Variants in FMNL1 observed in about 807,000 individuals in gnomAD.
FMNL1 encodes formin like 1.
FMNL1 carries 43 observed loss-of-function variants against 121.3 expected under a neutral mutation model. The observed-to-expected ratio is 0.35, with a 90% CI of 0.28 to 0.46. FMNL1 has a LOEUF of 0.46. Ranked by LOEUF, FMNL1 falls within the 20% of genes least tolerant of loss-of-function variation. The probability of loss-of-function intolerance (pLI) is 1.00; values close to 1 mark genes in which losing one functional copy is unlikely to be tolerated. For synonymous variants in FMNL1, 613 were observed against 613.5 expected, an observed-to-expected ratio of 1.00 and a Z score of 0.01; for missense variants, 1,191 against 1,482.4, an observed-to-expected ratio of 0.80 and a Z score of 3.23.
chr17:45,241,694 GC>G lies in FMNL1; in HGVS notation c.1585+61del, dbSNP rs940366424. Reference sequence around the variant, plus strand: ...GCAGGGTCTGGAGGGGAGCCCAGGGGCATCTGTGGCGGGCAGAGTTGGGCGA... The same window carrying G: ...GCAGGGTCTGGAGGGGAGCCCAGGGGATCTGTGGCGGGCAGAGTTGGGCGA... On this transcript the variant is annotated intron_variant, in intron 14 of 26. Coordinates refer to ENST00000331495, the MANE Select transcript of FMNL1 (RefSeq NM_005892.4). This position sits in a 1 kb window ranked among gnomAD's most constrained non-coding sequence, Gnocchi z 7.0. 4.1e-6 allele frequency: 6 copies of G among 1,449,942 alleles called. No individual in the cohort carries two copies. Among genetic ancestry groups the G allele is most frequent in the Non-Finnish European group, 1.8e-6 (2 of 1,106,230 alleles). The allele number at this position is 1,449,942 out of a possible 1,614,324, so 89.8% of individuals were successfully genotyped here.
chr17:45,233,181 G>A lies in FMNL1; in HGVS notation c.328-43G>A, dbSNP rs543188075. 11 of 1,547,310 alleles carry A rather than the reference G, an allele frequency of 7.1e-6. No homozygotes were observed. Among genetic ancestry groups the A allele is most frequent in the Admixed American group, 3.9e-5 (2 of 50,958 alleles). ...CTCAGGACTTGGTGGGCCTGTGGGA[G>A]GCCGGGCTCCACCCACCAGCCTTCC... On this transcript the variant is annotated intron_variant, in intron 3 of 26. Transcript: ENST00000331495. This position sits in a 1 kb window ranked among gnomAD's most constrained non-coding sequence, Gnocchi z 4.1.
In FMNL1 at chr17:45,234,153, C is replaced by T. The variant is rs756207299; in HGVS notation, c.567C>T (p.Ser189=). 6.2e-7 allele frequency: 1 copy of T among 1,614,152 alleles called. No individual in the cohort carries two copies. Among genetic ancestry groups the T allele is most frequent in the Non-Finnish European group, 8.5e-7 (1 of 1,180,032 alleles). ...TGGAGCAGTCTGTGGAAGACCTCAG[C>T]AAGGGTCCACCCTCCTCCGTGCCCA... ...KPLEQSVEDL[S]KGPPSSVPKS... is the part of the protein sequence containing the mutation. The change falls in exon 6 of 27, where the codon AGC becomes AGT. Residue 189 remains serine (S), a synonymous_variant. Coordinates refer to ENST00000331495, the MANE Select transcript of FMNL1 (RefSeq NM_005892.4).
intron 15 of FMNL1, 79 bp downstream of exon 15, chr17:45,242,225 T>C (rs891187179): frequency 6.4e-7 from 1 of 1,561,826 alleles, no homozygotes; most frequent in African/African-American, 1.4e-5. Context: ...TCCTCCAGGG[T>C]CCTCTGCCTG....
rs1370068684 is a variant in FMNL1, at chr17:45,236,135, G to T, written c.615-1G>T. 6.2e-7 allele frequency: 1 copy of T among 1,610,794 alleles called. No homozygotes were observed. The highest frequency in any genetic ancestry group is 8.5e-7 in the Non-Finnish European group (1 of 1,179,778). ...TGCTGCCTCCTCCACACCCCGCCCA[G>T]GCTGACCCCAGCCCACAGCAGGAAG... is the stretch of plus-strand genomic sequence containing the variant. On this transcript the variant is annotated splice_acceptor_variant, in intron 6 of 26. Transcript: ENST00000331495. LOFTEE classifies it high-confidence loss of function.
intron 16 of FMNL1, 86 bp downstream of exon 16, chr17:45,242,551 T>G: frequency 6.6e-7 from 1 of 1,524,370 alleles, no homozygotes. Flanking sequence ...GGGTAGTCAT[T>G]TTCTCCAAGC....
intron 11 of FMNL1, 47 bp from the exon 12 acceptor site, chr17:45,240,429 C>A (rs567587332): frequency 3.7e-5 from 56 of 1,532,278 alleles, no homozygotes; most frequent in African/African-American, 5.5e-5. Context: ...AGACTCCCCC[C>A]CACACACACA....
In FMNL1 at chr17:45,221,969, C is replaced by A; in HGVS notation, c.-156C>A. ...GGGACGCCGCGCTCCGGCCCCTGCG[C>A]GCCGCTGAGCCGAGCGCCCCCCGCT... On this transcript the variant is annotated 5_prime_UTR_variant, in exon 1 of 27. Transcript: ENST00000331495. 1 of 468,858 alleles carries A rather than the reference C, an allele frequency of 2.1e-6. No homozygotes were observed. Among genetic ancestry groups the A allele is most frequent in the Non-Finnish European group, 3.2e-6 (1 of 310,884 alleles). 29.0% of individuals were successfully genotyped at this position (468,858 alleles called of 1,614,324 possible).
intron 2 of FMNL1, 21 bp from the exon 3 acceptor site, chr17:45,232,346 C>T (rs1488155528): frequency 1.2e-6 from 2 of 1,610,298 alleles, no homozygotes; most frequent in South Asian, 1.1e-5. Context: ...GTTTTCTGTA[C>T]ACCCCATTCC....
Position 45,224,880 on chromosome 17 carries a change from C to T in FMNL1, c.129+2627C>T, listed in dbSNP as rs8065387. 6.1e-3 allele frequency among the ~76,000 whole-genome samples: 930 copies of T among 152,358 alleles called. 14 individuals are homozygous for T. The highest frequency in any genetic ancestry group is 0.021 in the African/African-American group (892 of 41,582). On this transcript the variant is annotated intron_variant, in intron 1 of 26. Coordinates refer to ENST00000331495, the MANE Select transcript of FMNL1 (RefSeq NM_005892.4). ...CCTGCTGTGATGGTGGGAACACCAG[C>T]CAGCGGGGCGCCAAGCTCTCGCCTC...
intron 1 of FMNL1, among the ~76,000 whole-genome samples, chr17:45,230,256 A>G (rs1240112859): frequency 6.6e-6 from 1 of 152,106 alleles, no homozygotes; most frequent in Admixed American, 6.5e-5. Context: ...CCAACAGGAA[A>G]ACTGGGGCCC....
intron 1 of FMNL1, 76 bp from the exon 2 acceptor site, chr17:45,230,528 T>A: frequency 7.1e-7 from 1 of 1,411,586 alleles, no homozygotes; most frequent in South Asian, 1.2e-5. Flanking sequence ...CAAGTGGGTT[T>A]CCCCCAAATG....
Position 45,244,829 on chromosome 17 carries a change from C to A in FMNL1, c.2528C>A (p.Ala843Asp). The A allele has an allele frequency of 6.2e-7, 1 of 1,613,000 alleles. No homozygotes were observed. The highest frequency in any genetic ancestry group is 8.5e-7 in the Non-Finnish European group (1 of 1,179,448). Reference protein sequence around the residue: ...KLRQILEIVLAFGNYMNSSKR... With the variant: ...KLRQILEIVLDFGNYMNSSKR... ...TCCTGCCTCTCCCAGATTGTCCTGGCCTTTGGCAACTACATGAACAGTAGC... is the reference window on the plus strand; with the variant it reads ...TCCTGCCTCTCCCAGATTGTCCTGGACTTTGGCAACTACATGAACAGTAGC... The change falls in exon 20 of 27, where the codon GCC (alanine) becomes GAC (aspartate). Residue 843 changes from alanine (A) to aspartate (D), a missense_variant. By Grantham distance (126) the Ala-to-Asp change is moderately radical. Coordinates refer to ENST00000331495, the MANE Select transcript of FMNL1 (RefSeq NM_005892.4).
chr17:45,243,583 C>T (rs903160339), intron 17 of FMNL1, among the ~76,000 whole-genome samples: 3 of 152,244 alleles, frequency 2.0e-5, no homozygotes, highest in Non-Finnish European at 2.9e-5. Context: ...CCGCCGCTGA[C>T]GTACGATGGG....
Position 45,243,985 on chromosome 17 carries a change from TCCTGGGCAACTTCCCGGACACAGCCCA to T in FMNL1, c.2409_2435del (p.Phe803_Gln812delinsLeu). On this transcript the variant is annotated inframe_deletion, in exon 18 of 27. Coordinates refer to ENST00000331495, the MANE Select transcript of FMNL1 (RefSeq NM_005892.4). ...CCGGAGCGCATGACCACACTCACCT[TCCTGGGCAACTTCCCGGACACAGCCCA>T]GCTGCTCATGCCGGTGTGGGCGGAG... 1 of 1,612,214 alleles carries T rather than the reference TCCTGGGCAACTTCCCGGACACAGCCCA, an allele frequency of 6.2e-7. No individual in the cohort carries two copies.
chr17:45,226,278 A>T (rs560711330), intron 1 of FMNL1, among the ~76,000 whole-genome samples: 7 of 152,016 alleles, frequency 4.6e-5, no homozygotes, highest in African/African-American at 1.7e-4. Flanking sequence ...TGGGAGGGGG[A>T]GGGGAGGCCT....
Position 45,237,740 on chromosome 17 carries a change from T to G in FMNL1, c.894+101T>G, listed in dbSNP as rs2043583268. On this transcript the variant is annotated intron_variant, in intron 9 of 26. Coordinates refer to ENST00000331495, the MANE Select transcript of FMNL1 (RefSeq NM_005892.4). This position sits in a 1 kb window ranked among gnomAD's most constrained non-coding sequence, Gnocchi z 4.4. ...CTTTGCTGGAGGCAGCTGGGGACAT[T>G]GGGTGGGCATTTGGGGAACGCCCAA... 1 of 1,317,662 alleles carries G rather than the reference T, an allele frequency of 7.6e-7. No homozygotes were observed. Among genetic ancestry groups the G allele is most frequent in the African/African-American group, 1.5e-5 (1 of 68,690 alleles). 81.6% of individuals were successfully genotyped at this position (1,317,662 alleles called of 1,614,324 possible). A position where few individuals can be genotyped will look rare whatever the true frequency, so the allele number is the denominator to read the frequency against.
In FMNL1 at chr17:45,244,033, C is replaced by T; in HGVS notation, c.2448+8C>T. Reference sequence around the variant, plus strand: ...GCCCAGCTGCTCATGCCGGTGTGGGCGGAGCGGGCAGGGCGGTGTGACTTG... The same window carrying T: ...GCCCAGCTGCTCATGCCGGTGTGGGTGGAGCGGGCAGGGCGGTGTGACTTG... On this transcript the variant is annotated splice_region_variant and intron_variant, in intron 18 of 26. Transcript: ENST00000331495. The T allele has an allele frequency of 6.2e-7, 1 of 1,604,330 alleles. No homozygotes were observed. The highest frequency in any genetic ancestry group is 8.5e-7 in the Non-Finnish European group (1 of 1,175,660).
intron 1 of FMNL1, among the ~76,000 whole-genome samples, chr17:45,223,605 C>G (rs528969843): frequency 6.6e-6 from 1 of 152,246 alleles, no homozygotes; most frequent in African/African-American, 2.4e-5. Flanking sequence ...CCCTGCTCCC[C>G]GCTCCCCAAG....
chr17:45,240,417 A>C (rs1337715387), intron 11 of FMNL1, 59 bp from the exon 12 acceptor site: 2 of 1,492,400 alleles, frequency 1.3e-6, no homozygotes. Flanking sequence ...GGTGGTTTGG[A>C]AAGACTCCCC....
Sources: allele counts gnomAD v4.1 joint callset (sites outside exome capture counted in the v4.1 genomes callset), GRCh38; gene constraint gnomAD v4.1.1; non-coding constraint Gnocchi (gnomAD v3.1); transcripts MANE v1.5; gene names NCBI Gene and HGNC (gene_info 2026-07-23, HGNC 2026-07-21).